Variants in ZNF169 observed in about 807,000 individuals in gnomAD.
The protein encoded by ZNF169 is zinc finger protein 169.
Under a neutral mutation model 12.0 loss-of-function variants are expected in ZNF169, and 11 were observed. That is an observed-to-expected ratio of 0.92 (90% CI 0.58 to 1.52). ZNF169 has a LOEUF of 1.52. Among genes scored for constraint, ZNF169 ranks in the 40% most tolerant of loss-of-function variants. The pLI is 0.00. For missense variants in ZNF169, 722 were observed against 744.0 expected (o/e 0.97, Z 0.34); for synonymous variants, 302 against 286.5 (o/e 1.05, Z -0.55).
At chr9:94,295,047 G>A (rs1830923613) in intron 4 of ZNF169, 1 of 152,196 alleles carries the variant, frequency 6.6e-6, no homozygotes, top group African/African-American at 2.4e-5. Flanking sequence ...TATAAAAATG[G>A]GGTGGGCACA....
chr9:94,277,082 G>A (rs566616936), intron 1 of ZNF169, among the ~76,000 whole-genome samples: 120 of 152,252 alleles, frequency 7.9e-4, no homozygotes, highest in Non-Finnish European at 4.0e-4. Context: ...TAAGAAATAC[G>A]TTGGTTTGGT....
chr9:94,287,923 A>G, intron 2 of ZNF169: 1 of 915,942 alleles, frequency 1.1e-6, no homozygotes, highest in Non-Finnish European at 1.8e-6. Context: ...CCTGCTGTCC[A>G]GGCGAGATTG....
chr9:94,262,264 AG>A (rs1830219017), intron 1 of ZNF169, among the ~76,000 whole-genome samples: 1 of 151,978 alleles, frequency 6.6e-6, no homozygotes, highest in South Asian at 2.1e-4. Context: ...ACTGACTTTG[AG>A]GGTATCAGTT....
rs1377224909 is a variant in ZNF169 at position 94,260,085 on chromosome 9, G to T, written c.-56+740G>T. The stretch of plus-strand genomic sequence containing the variant: ...CGCCACCACGCCCGGCTAATTTTTT[G>T]GTTTTTGTTTTGTTTTGTTTTTTTG... On this transcript the variant is annotated intron_variant, in intron 1 of 4. Coordinates refer to ENST00000395395, the MANE Select transcript of ZNF169 (RefSeq NM_194320.4). Among the ~76,000 whole-genome samples the T allele has an allele frequency of 4.1e-5, 6 of 147,664 alleles. No homozygotes were observed. The East Asian group carries it at 1.0e-3, about 25-fold the overall frequency.
At chr9:94,281,537 ACT>A (rs1218285490) in intron 2 of ZNF169, among the ~76,000 whole-genome samples, 10 of 152,132 alleles carry the variant, frequency 6.6e-5, no homozygotes, top group Non-Finnish European at 1.5e-4. Flanking sequence ...AAAGAGTCTA[ACT>A]CTGTAAAATA....
rs1365729119 is a variant in ZNF169, at chr9:94,300,301, A to AC, written c.745dup (p.Leu249ProfsTer18). 1 of 1,613,880 alleles carries AC rather than the reference A, an allele frequency of 6.2e-7. No individual in the cohort carries two copies. Among genetic ancestry groups the AC allele is most frequent in the East Asian group, 2.2e-5 (1 of 44,872 alleles). ...GGGAGAGGCTTTTGCCAGAGATCAG[A>AC]CCTTATCAAGCACCAGAGGACACAC... On this transcript the variant is annotated frameshift_variant, in exon 5 of 5. Transcript: ENST00000395395. LOFTEE classifies it low-confidence loss of function (END_TRUNC).
intron 1 of ZNF169, among the ~76,000 whole-genome samples, chr9:94,268,712 G>A (rs1331758223): frequency 6.7e-6 from 1 of 148,340 alleles, no homozygotes; most frequent in African/African-American, 2.5e-5. Context: ...GCTTGAACCG[G>A]GAGGCAGGGG....
chr9:94,281,042 G>A (rs569059176), intron 2 of ZNF169, among the ~76,000 whole-genome samples: 2 of 152,310 alleles, frequency 1.3e-5, no homozygotes, highest in Admixed American at 1.3e-4. Context: ...ATTCTTTGAA[G>A]AGAATCTTGG....
rs138189416 is a variant in ZNF169 at position 94,297,584 on chromosome 9, G to C, written c.257-2231G>C. Among the ~76,000 whole-genome samples, 187 of 152,288 alleles carry C rather than the reference G, an allele frequency of 1.2e-3. 1 individual carries two copies. The highest frequency in any genetic ancestry group is 2.2e-3 in the Non-Finnish European group (149 of 68,036). On this transcript the variant is annotated intron_variant, in intron 4 of 4. Coordinates refer to ENST00000395395, the MANE Select transcript of ZNF169 (RefSeq NM_194320.4). ...AAAGCTGCTGAAGTTCCCTCTTGCA[G>C]ATATGATCTTACTGACTCTAATCAA... is the stretch of plus-strand genomic sequence containing the variant.
In ZNF169 at chr9:94,292,640, T is replaced by TGTGTGTGTGTGTGC. The variant is rs35889937; in HGVS notation, c.160+174_160+175insTGTGTGTGTGTGCG. ...GTGTGTGTGTGTGTGTGTGTGTGTG[T>TGTGTGTGTGTGTGC]GCGCGTGCACATGCTGTGAGCGTGT... On this transcript the variant is annotated intron_variant, in intron 3 of 4. Transcript: ENST00000395395. The TGTGTGTGTGTGTGC allele has an allele frequency of 9.4e-4, 695 of 740,794 alleles. 2 individuals are homozygous for TGTGTGTGTGTGTGC. The highest frequency in any genetic ancestry group is 5.3e-3 in the South Asian group (276 of 51,640). The allele number at this position is 740,794 out of a possible 1,614,324, so 45.9% of individuals were successfully genotyped here.
chr9:94,289,695 C>T (rs1554715324), intron 2 of ZNF169, among the ~76,000 whole-genome samples: 1 of 152,048 alleles, frequency 6.6e-6, no homozygotes, highest in Non-Finnish European at 1.5e-5. Context: ...GACGCTGAGG[C>T]AGGAGAATCA....
At position 94,300,719 on chromosome 9, in the gene ZNF169, ACTC is replaced by A. The variant is rs1564094922; in HGVS notation, c.1167_1169del (p.Leu390del). The A allele has an allele frequency of 3.1e-6, 5 of 1,606,218 alleles. No homozygotes were observed. Among genetic ancestry groups the A allele is most frequent in the Non-Finnish European group, 4.2e-6 (5 of 1,177,652 alleles). On this transcript the variant is annotated inframe_deletion, in exon 5 of 5. Transcript: ENST00000395395. ...GTGGGCGTAGCTTCAGGCAGCAGTC[ACTC>A]CTCCTTAGTCACCAGGTCACACACT...
intron 2 of ZNF169, chr9:94,288,320 C>T (rs751586551): frequency 3.3e-6 from 3 of 919,034 alleles, no homozygotes; most frequent in South Asian, 1.3e-5. Context: ...GGTGTGTTGT[C>T]GGTGTTCTAT....
intron 2 of ZNF169, among the ~76,000 whole-genome samples, chr9:94,286,258 GA>G (rs1830718060): frequency 6.6e-6 from 1 of 152,128 alleles, no homozygotes; most frequent in South Asian, 2.1e-4. Flanking sequence ...AGAATTCTTG[GA>G]ATTTTGTGTC....
At position 94,300,336 on chromosome 9, in the gene ZNF169, A is replaced by G. The variant is rs752803233; in HGVS notation, c.778A>G (p.Lys260Glu). The G allele has an allele frequency of 6.2e-7, 1 of 1,614,110 alleles. No individual in the cohort carries two copies. The highest frequency in any genetic ancestry group is 2.2e-5 in the East Asian group (1 of 44,874). The change falls in exon 5 of 5, where the codon AAG becomes GAG. Residue 260 changes from lysine to glutamate, a missense_variant. Coordinates refer to ENST00000395395, the MANE Select transcript of ZNF169 (RefSeq NM_194320.4). ...IKHQRTHTGE[K>E]PYLCPECGRR... Reference sequence around the variant, plus strand: ...GCACCAGAGGACACACACCGGGGAGAAGCCATACCTGTGTCCTGAGTGTGG... The same window carrying G: ...GCACCAGAGGACACACACCGGGGAGGAGCCATACCTGTGTCCTGAGTGTGG...
At chr9:94,285,627 G>A (rs1339803444) in intron 2 of ZNF169, among the ~76,000 whole-genome samples, 1 of 152,028 alleles carries the variant, frequency 6.6e-6, no homozygotes. Context: ...GAAGACTAAA[G>A]ATGAAAAAAT....
chr9:94,265,769 G>A (rs1415394622), intron 1 of ZNF169, among the ~76,000 whole-genome samples: 1 of 152,084 alleles, frequency 6.6e-6, no homozygotes, highest in East Asian at 1.9e-4. Context: ...AGGTGCTGGG[G>A]TGATTACCCT....
At position 94,300,665 on chromosome 9, in the gene ZNF169, A is replaced by AG. The variant is rs760812928; in HGVS notation, c.1111dup (p.Glu371GlyfsTer8). On this transcript the variant is annotated frameshift_variant, in exon 5 of 5. Coordinates refer to ENST00000395395, the MANE Select transcript of ZNF169 (RefSeq NM_194320.4). LOFTEE classifies it low-confidence loss of function (END_TRUNC). Reference sequence around the variant, plus strand: ...TCCTCCAGCACCAGAGCTCACACACAGGGGAGAGGCCCTTCCTGTGCCTTG... The same window carrying AG: ...TCCTCCAGCACCAGAGCTCACACACAGGGGGAGAGGCCCTTCCTGTGCCTTG... 2.5e-6 allele frequency: 4 copies of AG among 1,613,854 alleles called. No individual in the cohort carries two copies. Among genetic ancestry groups the AG allele is most frequent in the Non-Finnish European group, 3.4e-6 (4 of 1,179,906 alleles).
intron 1 of ZNF169, among the ~76,000 whole-genome samples, chr9:94,263,042 G>T (rs890779683): frequency 6.6e-6 from 1 of 152,038 alleles, no homozygotes; most frequent in East Asian, 1.9e-4. Context: ...ATGTACCATG[G>T]GCCCTTTAAA....
Sources: gnomAD v4.1 joint callset for allele counts (sites outside exome capture counted in the v4.1 genomes callset) on GRCh38, gnomAD v4.1.1 for gene constraint, MANE v1.5 for transcripts, NCBI Gene and HGNC (gene_info 2026-07-23, HGNC 2026-07-21) for gene names.